SIRT6: variants seen among roughly 807,000 people sequenced by gnomAD.
SIRT6 encodes sirtuin 6.
In SIRT6, 21 loss-of-function variants were observed where a neutral mutation model predicts 33.6. The ratio of observed to expected loss-of-function variants is 0.62; its 90% CI spans 0.44 to 0.90. The LOEUF (loss-of-function observed/expected upper bound fraction) is 0.90. SIRT6 is among the 40% of genes least tolerant of loss of function. SIRT6 has a pLI of 0.00. For synonymous variants in SIRT6, 221 were observed against 223.9 expected (o/e 0.99, Z 0.12); for missense variants, 504 against 510.6 (o/e 0.99, Z 0.12).
In SIRT6 at chr19:4,177,154, G is replaced by A. The variant is rs376519871; in HGVS notation, c.378-16C>T. The A allele has an allele frequency of 5.3e-5, 85 of 1,613,614 alleles. No homozygotes were observed. The African/African-American group carries it at 9.9e-4, about 19-fold the overall frequency. ...CAGTTTGTCCCTGTGGGAAGAGCAGGAAGAGGCTTGATGGTGGGAAAGGAT... is the reference window on the plus strand; with the variant it reads ...CAGTTTGTCCCTGTGGGAAGAGCAGAAAGAGGCTTGATGGTGGGAAAGGAT... On this transcript the variant is annotated splice_polypyrimidine_tract_variant and intron_variant, in intron 3 of 7. Coordinates refer to ENST00000337491, the MANE Select transcript of SIRT6 (RefSeq NM_016539.4).
intron 4 of SIRT6, among the ~76,000 whole-genome samples, chr19:4,176,191 G>C (rs921843393): frequency 5.3e-5 from 8 of 152,234 alleles, no homozygotes; most frequent in African/African-American, 1.9e-4. Flanking sequence ...CCCAGCATGG[G>C]ATCCCGGACC....
At chr19:4,178,593 T>C (rs1213799161) in intron 3 of SIRT6, among the ~76,000 whole-genome samples, 2 of 152,046 alleles carry the variant, frequency 1.3e-5, no homozygotes, top group African/African-American at 4.8e-5. Context: ...CTCACACCTG[T>C]AACCCCAGCA....
intron 2 of SIRT6, chr19:4,180,524 A>G: frequency 6.1e-6 from 2 of 326,934 alleles, no homozygotes; most frequent in Non-Finnish European, 1.1e-5. Flanking sequence ...GGGACTACAG[A>G]TGTGTGCCAC....
rs773637085 is a variant in SIRT6, at chr19:4,181,672, ATCTAC to A, written c.67-768_67-764del. On this transcript the variant is annotated intron_variant, in intron 1 of 7. Transcript: ENST00000337491. Reference sequence around the variant, plus strand: ...CGTGGTGGCAGGTGCCTGTAGTCTCATCTACTCTACTCAGGAGGCTGAGGCAGGAG... The same window carrying A: ...CGTGGTGGCAGGTGCCTGTAGTCTCATCTACTCAGGAGGCTGAGGCAGGAG... Among the ~76,000 whole-genome samples the A allele has an allele frequency of 2.6e-5, 4 of 152,268 alleles. No individual in the cohort carries two copies. In the South Asian group the frequency reaches 6.2e-4, roughly 24 times the overall value.
At chr19:4,180,093 CTTTTTTTT>C (rs71166971) in intron 2 of SIRT6, among the ~76,000 whole-genome samples, 12 of 45,926 alleles carry the variant, frequency 2.6e-4, no homozygotes, top group East Asian at 2.2e-3. Flanking sequence ...CACGCCTTGG[CTTTTTTTT>C]TTTTTTTTTT....
At position 4,174,560 on chromosome 19, in the gene SIRT6, G is replaced by T. The variant is rs998228382; in HGVS notation, c.*57C>A. The stretch of plus-strand genomic sequence containing the variant: ...GAAACAAGTAACAAAGTGAGACCAC[G>T]AGAGAAAAAGAATCCACAGTTTCTA... On this transcript the variant is annotated 3_prime_UTR_variant, in exon 8 of 8. Transcript: ENST00000337491. The surrounding 1 kb of genome is among the most constrained non-coding windows in gnomAD (Gnocchi z 4.2). 2.9e-6 allele frequency: 4 copies of T among 1,360,578 alleles called. No homozygotes were observed. The highest frequency in any genetic ancestry group is 1.7e-5 in the South Asian group (1 of 59,094). 84.3% of individuals were successfully genotyped at this position (1,360,578 alleles called of 1,614,324 possible).
rs1425459709 is a variant in SIRT6 at position 4,182,545 on chromosome 19, A to G, written c.-6T>C. 6 of 1,609,872 alleles carry G rather than the reference A, an allele frequency of 3.7e-6. No homozygotes were observed. The highest frequency in any genetic ancestry group is 5.1e-6 in the Non-Finnish European group (6 of 1,178,518). ...GCCGCGTAATTCACCGACATCCTCG[A>G]CTGCCCCACGGGAACAATAAAGTTT... On this transcript the variant is annotated 5_prime_UTR_variant, in exon 1 of 8. Coordinates refer to ENST00000337491, the MANE Select transcript of SIRT6 (RefSeq NM_016539.4).
intron 6 of SIRT6, chr19:4,175,360 T>G: frequency 2.9e-6 from 2 of 692,720 alleles, no homozygotes; most frequent in South Asian, 3.8e-5. Flanking sequence ...CTTAGACACT[T>G]CCGGGGAGTA....
chr19:4,179,623 G>A, intron 2 of SIRT6: 1 of 337,112 alleles, frequency 3.0e-6, no homozygotes, highest in Middle Eastern at 8.4e-4. Context: ...AACCAACACT[G>A]CTGCTGCAAT....
chr19:4,179,038 C>A, intron 3 of SIRT6, 66 bp downstream of exon 3: 4 of 1,568,480 alleles, frequency 2.6e-6, no homozygotes, highest in Non-Finnish European at 3.5e-6. Flanking sequence ...GGACTCTCCC[C>A]CTAAAAATGC....
intron 1 of SIRT6, among the ~76,000 whole-genome samples, chr19:4,181,884 A>G (rs960709003): frequency 6.6e-6 from 1 of 152,164 alleles, no homozygotes; most frequent in African/African-American, 2.4e-5. Flanking sequence ...CATTAAATGC[A>G]TGAGTCAGAA....
chr19:4,175,300 C>T (rs778085975), intron 6 of SIRT6, 149 bp from the exon 7 acceptor site: 14 of 1,089,362 alleles, frequency 1.3e-5, no homozygotes, highest in Non-Finnish European at 1.8e-5. Context: ...TGGGATCCCG[C>T]CCTGCCCTCC....
rs986777977 is a variant in SIRT6 at position 4,175,232 on chromosome 19, C to T, written c.615-81G>A. On this transcript the variant is annotated intron_variant, in intron 6 of 7. Coordinates refer to ENST00000337491, the MANE Select transcript of SIRT6 (RefSeq NM_016539.4). ...GCCAGCCCTGGGGGCCGGTTCACAC[C>T]TAGGCCATCTGTGCTCACCGGGGCG... The T allele has an allele frequency of 4.0e-6, 6 of 1,502,426 alleles. No homozygotes were observed. In the South Asian group the frequency reaches 6.4e-5, roughly 16 times the overall value. The allele number at this position is 1,502,426 out of a possible 1,614,324, so 93.1% of individuals were successfully genotyped here.
intron 1 of SIRT6, among the ~76,000 whole-genome samples, chr19:4,181,648 G>C (rs553941150): frequency 6.6e-6 from 1 of 152,126 alleles, no homozygotes; most frequent in Admixed American, 6.5e-5. Flanking sequence ...TTAGCCAGGC[G>C]TGGTGGCAGG....
chr19:4,179,609 A>G, intron 2 of SIRT6: 1 of 400,010 alleles, frequency 2.5e-6, no homozygotes, highest in Non-Finnish European at 4.5e-6. Flanking sequence ...GACTTATTCT[A>G]TTCAACCAAC....
chr19:4,175,391 G>T, intron 6 of SIRT6: 1 of 645,496 alleles, frequency 1.5e-6, no homozygotes, highest in Non-Finnish European at 2.6e-6. Flanking sequence ...GTAAGAGCTT[G>T]GACACCTAGG....
intron 1 of SIRT6, 113 bp downstream of exon 1, chr19:4,182,361 C>A: frequency 9.1e-7 from 1 of 1,100,982 alleles, no homozygotes; most frequent in Non-Finnish European, 1.3e-6. Flanking sequence ...GGAAGTCCCT[C>A]CCATTGTCTA....
chr19:4,174,518 T>C lies in SIRT6; in HGVS notation c.*99A>G. The stretch of plus-strand genomic sequence containing the variant: ...GCCTGGAGCACAGCTCTCAGAGCCC[T>C]GAGGCTCCCGGGGACAGAAACAAGT... On this transcript the variant is annotated 3_prime_UTR_variant, in exon 8 of 8. Transcript: ENST00000337491. The surrounding 1 kb of genome is among the most constrained non-coding windows in gnomAD (Gnocchi z 4.2). The C allele has an allele frequency of 8.6e-7, 1 of 1,166,704 alleles. No individual in the cohort carries two copies. The highest frequency in any genetic ancestry group is 1.1e-6 in the Non-Finnish European group (1 of 874,986). 72.3% of individuals were successfully genotyped at this position (1,166,704 alleles called of 1,614,324 possible). A position where few individuals can be genotyped will look rare whatever the true frequency, so the allele number is the denominator to read the frequency against.
Position 4,177,051 on chromosome 19 carries a change from C to T in SIRT6, c.437+28G>A, listed in dbSNP as rs1420442637. 6 of 1,605,382 alleles carry T rather than the reference C, an allele frequency of 3.7e-6. No homozygotes were observed. In the South Asian group the frequency reaches 6.7e-5, roughly 18 times the overall value. On this transcript the variant is annotated intron_variant, in intron 4 of 7. Transcript: ENST00000337491. ...ACCCCCAACCCCCTCTGGCAGAGCC[C>T]CCACCCCTGCACCCAGGTGGCACTC...
Sources: allele counts gnomAD v4.1 joint callset (sites outside exome capture counted in the v4.1 genomes callset), GRCh38; gene constraint gnomAD v4.1.1; non-coding constraint Gnocchi (gnomAD v3.1); transcripts MANE v1.5; gene names NCBI Gene and HGNC (gene_info 2026-07-23, HGNC 2026-07-21).